MRAP: variants seen among roughly 807,000 people sequenced by gnomAD.
MRAP encodes the protein melanocortin-2 receptor accessory protein.
In MRAP, 8 loss-of-function variants were observed where a neutral mutation model predicts 8.7. The ratio of observed to expected loss-of-function variants is 0.92; its 90% CI spans 0.54 to 1.66. The LOEUF is 1.66. Among genes scored for constraint, MRAP ranks in the 40% most tolerant of loss-of-function variants. The probability of loss-of-function intolerance (pLI) is 0.00; values close to 1 mark genes in which losing one functional copy is unlikely to be tolerated. For synonymous variants in MRAP, 95 were observed against 95.5 expected, an observed-to-expected ratio of 1.00 and a Z score of 0.03; for missense variants, 237 against 217.1, an observed-to-expected ratio of 1.09 and a Z score of -0.58.
rs1324285533 is a variant in MRAP, at chr21:32,298,881, G to C, written c.-91G>C. ...CAGACACACTTGGACGATTCCTGCAGAAATCAGTGAGGCAGTCTCCTCCCA... is the reference window on the plus strand; with the variant it reads ...CAGACACACTTGGACGATTCCTGCACAAATCAGTGAGGCAGTCTCCTCCCA... On this transcript the variant is annotated 5_prime_UTR_variant, in exon 1 of 3. Coordinates refer to ENST00000303645, the MANE Select transcript of MRAP (RefSeq NM_001379228.1). 87 of 875,016 alleles carry C rather than the reference G, an allele frequency of 9.9e-5. 1 individual carries two copies. In the South Asian group the frequency reaches 1.1e-3, roughly 11 times the overall value. 54.2% of individuals were successfully genotyped at this position (875,016 alleles called of 1,614,324 possible). A position where few individuals can be genotyped will look rare whatever the true frequency, so the allele number is the denominator to read the frequency against.
chr21:32,299,333 CTTTAT>C (rs373473797), intron 1 of MRAP, among the ~76,000 whole-genome samples: 3 of 152,072 alleles, frequency 2.0e-5, no homozygotes, highest in Non-Finnish European at 4.4e-5. Context: ...TTATTTTTTA[CTTTAT>C]TTTATTTTAT....
rs1275659690 is a variant in MRAP, at chr21:32,305,624, C to G, written c.107-1016C>G. On this transcript the variant is annotated intron_variant, in intron 1 of 2. Coordinates refer to ENST00000303645, the MANE Select transcript of MRAP (RefSeq NM_001379228.1). ...TAGCCCCCTCTGAATCCTGAACAGT[C>G]CCTCGCAAAAGGCGCTCAATGAATT... Among the ~76,000 whole-genome samples, 3 of 152,156 alleles carry G rather than the reference C, an allele frequency of 2.0e-5. No individual in the cohort carries two copies. The East Asian group carries it at 5.8e-4, about 29-fold the overall frequency.
chr21:32,292,155 A>G (rs2032060794), intron 1 of MRAP, among the ~76,000 whole-genome samples: 1 of 152,120 alleles, frequency 6.6e-6, no homozygotes, highest in African/African-American at 2.4e-5. Context: ...GTTTAAAAAA[A>G]AAAGCCCTCC....
upstream of MRAP, among the ~76,000 whole-genome samples, chr21:32,295,166 C>T (rs761180515): frequency 2.0e-5 from 3 of 151,950 alleles, no homozygotes; most frequent in Non-Finnish European, 4.4e-5. Flanking sequence ...ACAGGAAAAG[C>T]GCCTGAAGCA....
intron 1 of MRAP, among the ~76,000 whole-genome samples, chr21:32,303,807 A>C (rs978010930): frequency 6.6e-6 from 1 of 152,256 alleles, no homozygotes; most frequent in Non-Finnish European, 1.5e-5. Flanking sequence ...CTTCAGAAGG[A>C]AGAGGAAAAA....
chr21:32,304,547 G>T (rs1035292695), intron 1 of MRAP, among the ~76,000 whole-genome samples: 1 of 151,902 alleles, frequency 6.6e-6, no homozygotes, highest in Non-Finnish European at 1.5e-5. Context: ...CCCGGCAGGC[G>T]GAGGTTGCAG....
chr21:32,294,929 T>A (rs1410125555), upstream of MRAP, among the ~76,000 whole-genome samples: 2 of 152,068 alleles, frequency 1.3e-5, no homozygotes, highest in East Asian at 1.9e-4. Context: ...CCTATGTGTT[T>A]TATAATTTTT....
At chr21:32,301,036 AATATATCAT>A (rs1407093715) in intron 1 of MRAP, among the ~76,000 whole-genome samples, 1 of 150,842 alleles carries the variant, frequency 6.6e-6, no homozygotes, top group Non-Finnish European at 1.5e-5. Flanking sequence ...AGATATATCA[AATATATCAT>A]ATGATATATA....
rs1286351478 is a variant in MRAP, at chr21:32,312,253, G to A, written c.*257G>A. ...TTACTGCTTATATTTGCTCAGGGAAGAGTAGGAAAATAAAATATATGCAAA... is the reference window on the plus strand; with the variant it reads ...TTACTGCTTATATTTGCTCAGGGAAAAGTAGGAAAATAAAATATATGCAAA... On this transcript the variant is annotated 3_prime_UTR_variant, in exon 3 of 3. Coordinates refer to ENST00000303645, the MANE Select transcript of MRAP (RefSeq NM_001379228.1). 7.1e-7 allele frequency: 1 copy of A among 1,413,928 alleles called. No homozygotes were observed. Among genetic ancestry groups the A allele is most frequent in the Non-Finnish European group, 9.2e-7 (1 of 1,086,678 alleles). The allele number at this position is 1,413,928 out of a possible 1,614,324, so 87.6% of individuals were successfully genotyped here.
chr21:32,300,660 C>CGTCCT, intron 1 of MRAP, among the ~76,000 whole-genome samples: 1 of 18,220 alleles, frequency 5.5e-5, no homozygotes, highest in Admixed American at 4.0e-4. Context: ...GGGGGCGTCA[C>CGTCCT]ACGTCCTATG....
rs781233445 is a variant in MRAP, at chr21:32,311,776, C to A, written c.299C>A (p.Pro100His). 5 of 1,614,176 alleles carry A rather than the reference C, an allele frequency of 3.1e-6. No individual in the cohort carries two copies. The change falls in exon 3 of 3, where the codon CCC becomes CAC. Residue 100 changes from proline (P) to histidine (H), a missense_variant. Pro to His is a moderately conservative substitution (Grantham distance 77). Transcript: ENST00000303645. ...IQKCLPCHREPLATSQAQASS... is the reference protein window; with the variant it reads ...IQKCLPCHREHLATSQAQASS... ...AAGTGCCTGCCGTGCCACAGGGAAC[C>A]CCTGGCAACCTCACAGGCTCAGGCG...
At chr21:32,293,684 G>A (rs2032091409) in intron 2 of MRAP, among the ~76,000 whole-genome samples, 1 of 152,108 alleles carries the variant, frequency 6.6e-6, no homozygotes, top group South Asian at 2.1e-4. Flanking sequence ...TAATGTAATA[G>A]AAAACATCCT....
chr21:32,292,426 A>AT (rs1478739493), intron 1 of MRAP, among the ~76,000 whole-genome samples: 1 of 152,178 alleles, frequency 6.6e-6, no homozygotes, highest in Non-Finnish European at 1.5e-5. Context: ...ATGTACTCTG[A>AT]TATACACCTA....
chr21:32,312,337 T>A, downstream of MRAP: 1 of 1,230,266 alleles, frequency 8.1e-7, no homozygotes, highest in Non-Finnish European at 1.0e-6. Context: ...CATTACTGTG[T>A]AATGCGTTAT....
upstream of MRAP, among the ~76,000 whole-genome samples, chr21:32,297,415 T>C (rs2123493158): frequency 6.6e-6 from 1 of 152,236 alleles, no homozygotes; most frequent in South Asian, 2.1e-4. Flanking sequence ...ACAAAAACCC[T>C]CCTCAAGGGG....
At chr21:32,302,979 C>CTTTTTTTTT (rs57692462) in intron 1 of MRAP, among the ~76,000 whole-genome samples, 1 of 124,244 alleles carries the variant, frequency 8.0e-6, no homozygotes, top group Non-Finnish European at 1.6e-5. Flanking sequence ...CCCCAATTCC[C>CTTTTTTTTT]TTTTTTTTTT....
Position 32,304,976 on chromosome 21 carries a change from T to TTG in MRAP, c.107-1663_107-1662insGT, listed in dbSNP as rs1555834146. ...TTGTTTTTTTTGTTGTTTTTTTTTT[T>TTG]TTTTTTTTTTTTTTGAGACAGCATC... On this transcript the variant is annotated intron_variant, in intron 1 of 2. Transcript: ENST00000303645. Among the ~76,000 whole-genome samples, 984 of 126,356 alleles carry TTG rather than the reference T, an allele frequency of 7.8e-3. 7 individuals carry two copies. Among genetic ancestry groups the TTG allele is most frequent in the Middle Eastern group, 0.012 (3 of 254 alleles). 82.9% of individuals were successfully genotyped at this position (126,356 alleles called of 152,430 possible). A position where few individuals can be genotyped will look rare whatever the true frequency, so the allele number is the denominator to read the frequency against.
chr21:32,303,939 G>A (rs916446315), intron 1 of MRAP, among the ~76,000 whole-genome samples: 9 of 152,146 alleles, frequency 5.9e-5, no homozygotes, highest in Admixed American at 4.6e-4. Context: ...CCACTTATAT[G>A]AAGACACTGC....
chr21:32,302,270 T>C (rs1333738023), intron 1 of MRAP, among the ~76,000 whole-genome samples: 2 of 152,242 alleles, frequency 1.3e-5, no homozygotes, highest in Non-Finnish European at 2.9e-5. Flanking sequence ...GTTGATACCA[T>C]CTGGATGTCA....
Sources: allele counts gnomAD v4.1 joint callset (sites outside exome capture counted in the v4.1 genomes callset), GRCh38; gene constraint gnomAD v4.1.1; transcripts MANE v1.5; gene names NCBI Gene and HGNC (gene_info 2026-07-23, HGNC 2026-07-21).